The following DYM variants were observed in gnomAD, a reference collection of about 807,000 sequenced individuals.
DYM encodes dyggve-Melchior-Clausen syndrome protein.
DYM carries 78 observed loss-of-function variants against 93.1 expected under a neutral mutation model. The observed-to-expected ratio is 0.84, with a 90% confidence interval of 0.70 to 1.01. The LOEUF (loss-of-function observed/expected upper bound fraction) is 1.01. DYM is among the 50% of genes least tolerant of loss of function. The pLI is 0.00. For synonymous variants in DYM, 321 were observed against 319.7 expected (o/e 1.00, Z -0.04); for missense variants, 789 against 845.0 (o/e 0.93, Z 0.82).
At chr18:49,271,798 T>C (rs932738948) in intron 11 of DYM, among the ~76,000 whole-genome samples, 9 of 151,928 alleles carry the variant, frequency 5.9e-5, no homozygotes, top group African/African-American at 1.2e-4. Flanking sequence ...TATAAAACAA[T>C]GGATTTCTCA....
At chr18:49,197,293 G>T (rs1211945608) in intron 14 of DYM, among the ~76,000 whole-genome samples, 1 of 152,046 alleles carries the variant, frequency 6.6e-6, no homozygotes, top group Non-Finnish European at 1.5e-5. Flanking sequence ...GTACAGAAAA[G>T]GGCTTTAGGA....
intron 16 of DYM, among the ~76,000 whole-genome samples, chr18:49,099,655 G>A (rs555631023): frequency 1.3e-5 from 2 of 152,116 alleles, no homozygotes; most frequent in South Asian, 4.2e-4. Context: ...TCATTAAAAT[G>A]TCATTGAAAA....
rs1162537268 is a variant in DYM at position 49,163,722 on chromosome 18, C to A, written c.1691G>T (p.Gly564Val). 1 of 1,612,794 alleles carries A rather than the reference C, an allele frequency of 6.2e-7. No homozygotes were observed. Among genetic ancestry groups the A allele is most frequent in the Non-Finnish European group, 8.5e-7 (1 of 1,179,274 alleles). The change falls in exon 15 of 18, where the codon GGT (glycine) becomes GTT (valine). Residue 564 changes from glycine (G) to valine (V), a missense_variant. Gly to Val is a moderately radical substitution (Grantham distance 109, BLOSUM62 -3). Transcript: ENST00000675505. ...AGGAACATCATTAGAACTCAGCGAA[C>A]CTCTCAAGGACTGTGTGGCTTGTTC... Reference protein sequence around the residue: ...VLEQATQSLRGSLSSNDVPLP... With the variant: ...VLEQATQSLRVSLSSNDVPLP...
At position 49,044,167 on chromosome 18, in the gene DYM, T is replaced by C; in HGVS notation, c.2063A>G (p.Glu688Gly). 3 of 1,614,182 alleles carry C rather than the reference T, an allele frequency of 1.9e-6. No homozygotes were observed. Among genetic ancestry groups the C allele is most frequent in the Non-Finnish European group, 2.5e-6 (3 of 1,180,028 alleles). The change falls in exon 18 of 18, where the codon GAG becomes GGG. Residue 688 changes from glutamate (E) to glycine (G), a missense_variant. Glu to Gly is a moderately conservative substitution (Grantham distance 98). This residue lies in a region of DYM where 114 missense variants were observed against 105.8 expected (regional missense o/e 1.08). Coordinates refer to ENST00000675505, the MANE Select transcript of DYM (RefSeq NM_001353214.3). ...GGGGATAAAAAACTCCTCGGGCTGC[T>C]CCTCTTCCACATATTTGAATTTCAA... ...PELKFKYVEE[E>G]QPEEFFIPYV...
At chr18:49,310,018 A>C (rs1444682711) in intron 8 of DYM, among the ~76,000 whole-genome samples, 1 of 152,222 alleles carries the variant, frequency 6.6e-6, no homozygotes, top group Admixed American at 6.5e-5. Flanking sequence ...CGCGTGCAGC[A>C]CCAAGACATA....
At chr18:49,133,755 T>G (rs2083580072) in intron 15 of DYM, among the ~76,000 whole-genome samples, 1 of 152,256 alleles carries the variant, frequency 6.6e-6, no homozygotes, top group African/African-American at 2.4e-5. Flanking sequence ...TCTCTGCTTT[T>G]GAGGGCCTGT....
At chr18:49,188,936 C>T (rs1319172776) in intron 14 of DYM, among the ~76,000 whole-genome samples, 3 of 152,150 alleles carry the variant, frequency 2.0e-5, no homozygotes, top group Admixed American at 1.3e-4. Context: ...CCTAGACGCT[C>T]ATCAATGGTG....
intron 17 of DYM, among the ~76,000 whole-genome samples, chr18:49,091,320 G>C (rs112787459): frequency 6.6e-6 from 1 of 152,054 alleles, no homozygotes; most frequent in African/African-American, 2.4e-5. Flanking sequence ...ACAATGCTGC[G>C]GAACAAGAAA....
chr18:49,255,459 G>A (rs1281978758), intron 13 of DYM, among the ~76,000 whole-genome samples: 4 of 152,238 alleles, frequency 2.6e-5, no homozygotes, highest in African/African-American at 4.8e-5. Flanking sequence ...CGGATCATGA[G>A]GTTAGGAGTT....
chr18:49,168,295 G>C (rs1346426211), intron 14 of DYM, among the ~76,000 whole-genome samples: 1 of 152,106 alleles, frequency 6.6e-6, no homozygotes, highest in African/African-American at 2.4e-5. Context: ...ATACATACAT[G>C]AGAGAGTGGT....
chr18:49,449,134 C>T (rs550468728), intron 1 of DYM, among the ~76,000 whole-genome samples: 1 of 152,310 alleles, frequency 6.6e-6, no homozygotes, highest in African/African-American at 2.4e-5. Context: ...GGTTCAAGTT[C>T]CCTCCTCTTT....
intron 5 of DYM, among the ~76,000 whole-genome samples, chr18:49,369,621 A>G (rs2066816141): frequency 6.6e-6 from 1 of 151,588 alleles, no homozygotes; most frequent in Non-Finnish European, 1.5e-5. Flanking sequence ...CTCTTCTTCA[A>G]TCTAATAAAT....
intron 15 of DYM, among the ~76,000 whole-genome samples, chr18:49,140,238 T>C (rs1158840737): frequency 1.3e-5 from 2 of 152,104 alleles, no homozygotes; most frequent in African/African-American, 4.8e-5. Flanking sequence ...CTTTGCCACA[T>C]AGCATTCATT....
At chr18:49,275,927 G>A (rs1169819662) in intron 10 of DYM, among the ~76,000 whole-genome samples, 1 of 152,098 alleles carries the variant, frequency 6.6e-6, no homozygotes, top group Admixed American at 6.6e-5. Context: ...CCAGTATCCT[G>A]CAACTTTGCT....
At chr18:49,125,170 G>C (rs1568459998) in intron 15 of DYM, among the ~76,000 whole-genome samples, 1 of 152,186 alleles carries the variant, frequency 6.6e-6, no homozygotes, top group Admixed American at 6.5e-5. Context: ...TGAGGCAGGA[G>C]AATCACTTGA....
chr18:49,458,781 G>A (rs567010488), intron 1 of DYM, among the ~76,000 whole-genome samples: 114 of 152,296 alleles, frequency 7.5e-4, no homozygotes, highest in Admixed American at 4.1e-3. Context: ...AGACGTTGCC[G>A]TGAGCCGGGA....
chr18:49,045,686 C>A (rs2071392590), intron 17 of DYM, among the ~76,000 whole-genome samples: 1 of 151,962 alleles, frequency 6.6e-6, no homozygotes, highest in African/African-American at 2.4e-5. Context: ...GGCAGCAAGG[C>A]AGGGAAGGAC....
chr18:49,322,705 A>C (rs968084279), intron 8 of DYM, among the ~76,000 whole-genome samples: 1 of 152,042 alleles, frequency 6.6e-6, no homozygotes, highest in Non-Finnish European at 1.5e-5. Flanking sequence ...AATCTGAATA[A>C]ACTTGGAAAT....
chr18:49,205,243 T>C (rs1378483728), intron 14 of DYM, among the ~76,000 whole-genome samples: 5 of 152,244 alleles, frequency 3.3e-5, no homozygotes, highest in Admixed American at 6.5e-5. Flanking sequence ...ATTACAGGCG[T>C]GAGTCACTGT....
Sources: allele counts gnomAD v4.1 joint callset (sites outside exome capture counted in the v4.1 genomes callset), GRCh38; gene constraint gnomAD v4.1.1; regional missense constraint gnomAD v4.1.1; transcripts MANE v1.5; gene names NCBI Gene and HGNC (gene_info 2026-07-23, HGNC 2026-07-21).